Variants in RARRES1 observed in about 807,000 individuals in gnomAD.
RARRES1 encodes the protein retinoic acid receptor responder protein 1.
RARRES1 carries 34 observed loss-of-function variants against 30.6 expected under a neutral mutation model. The ratio of observed to expected loss-of-function variants is 1.11; its 90% CI spans 0.84 to 1.48. RARRES1 has a LOEUF of 1.48. Among genes scored for constraint, RARRES1 ranks in the 40% most tolerant of loss-of-function variants. The pLI is 0.00. For synonymous variants in RARRES1, 153 were observed against 155.5 expected, an observed-to-expected ratio of 0.98 and a Z score of 0.12; for missense variants, 373 against 386.5, an observed-to-expected ratio of 0.97 and a Z score of 0.29.
At chr3:158,721,363 T>C (rs1287205606) in intron 1 of RARRES1, among the ~76,000 whole-genome samples, 1 of 152,166 alleles carries the variant, frequency 6.6e-6, no homozygotes, top group Non-Finnish European at 1.5e-5. Flanking sequence ...GCATGCTGGA[T>C]CTACACCGAC....
At chr3:158,702,905 G>A (rs1726784540) in intron 4 of RARRES1, among the ~76,000 whole-genome samples, 1 of 152,188 alleles carries the variant, frequency 6.6e-6, no homozygotes, top group Admixed American at 6.5e-5. Context: ...TTTAGTTGAT[G>A]TGTGTTGTAC....
intron 4 of RARRES1, among the ~76,000 whole-genome samples, chr3:158,702,019 A>G (rs114190408): frequency 1.2e-3 from 184 of 151,904 alleles, no homozygotes; most frequent in Non-Finnish European, 2.0e-3. Context: ...CTCCCTCTGC[A>G]TTTGTTTTTG....
chr3:158,720,417 C>T (rs1559873818), intron 1 of RARRES1, among the ~76,000 whole-genome samples: 3 of 143,088 alleles, frequency 2.1e-5, no homozygotes, highest in African/African-American at 5.5e-5. Flanking sequence ...CTAGGGCTCC[C>T]GTAACAAAGT....
intron 5 of RARRES1, 27 bp from the exon 6 acceptor site, chr3:158,697,854 T>C: frequency 1.3e-6 from 2 of 1,596,126 alleles, no homozygotes; most frequent in Non-Finnish European, 1.7e-6. Flanking sequence ...TAAAATATTA[T>C]AATCTGCAAA....
intron 3 of RARRES1, among the ~76,000 whole-genome samples, chr3:158,709,575 C>G (rs75266602): frequency 6.6e-6 from 1 of 152,110 alleles, no homozygotes; most frequent in Non-Finnish European, 1.5e-5. Context: ...TATTCCACTT[C>G]GAGGTTTTTA....
chr3:158,729,863 T>C (rs1727815993), intron 1 of RARRES1, among the ~76,000 whole-genome samples: 1 of 152,202 alleles, frequency 6.6e-6, no homozygotes, highest in African/African-American at 2.4e-5. Context: ...ATCCTGCCCC[T>C]GGTAACCAGG....
chr3:158,704,653 G>T, intron 4 of RARRES1, 138 bp downstream of exon 4: 1 of 1,334,802 alleles, frequency 7.5e-7, no homozygotes, highest in Non-Finnish European at 9.9e-7. Context: ...TTGGCCCATT[G>T]CAGGAACTCA....
chr3:158,706,766 A>G lies in RARRES1; in HGVS notation c.536-1839T>C, dbSNP rs1401810659. 2.0e-5 allele frequency among the ~76,000 whole-genome samples: 3 copies of G among 152,242 alleles called. No homozygotes were observed. The East Asian group carries it at 5.8e-4, about 29-fold the overall frequency. On this transcript the variant is annotated intron_variant, in intron 3 of 5. Coordinates refer to ENST00000237696, the MANE Select transcript of RARRES1 (RefSeq NM_206963.2). Reference sequence around the variant, plus strand: ...CCAACTCTAGGAGAATAGTAATACCATTAAATGTAGGACAGAAAGTGGGAA... The same window carrying G: ...CCAACTCTAGGAGAATAGTAATACCGTTAAATGTAGGACAGAAAGTGGGAA...
At chr3:158,707,879 C>T (rs961950003) in intron 3 of RARRES1, among the ~76,000 whole-genome samples, 3 of 152,190 alleles carry the variant, frequency 2.0e-5, no homozygotes, top group East Asian at 1.9e-4. Flanking sequence ...CTGTTAATAT[C>T]GAAGTGCCTT....
intron 2 of RARRES1, among the ~76,000 whole-genome samples, chr3:158,712,392 A>G (rs1458473286): frequency 6.6e-6 from 1 of 152,194 alleles, no homozygotes; most frequent in African/African-American, 2.4e-5. Flanking sequence ...CCTCAAAAAG[A>G]ATAAATAAAT....
intron 1 of RARRES1, among the ~76,000 whole-genome samples, chr3:158,729,474 G>A (rs916493554): frequency 8.6e-5 from 13 of 151,822 alleles, no homozygotes; most frequent in Non-Finnish European, 1.2e-4. Flanking sequence ...TATTTGAGAC[G>A]GAGTCTCGCT....
chr3:158,698,783 A>G (rs73156491), intron 4 of RARRES1, among the ~76,000 whole-genome samples: 24,099 of 152,080 alleles, frequency 0.16, 1,987 homozygotes, highest in South Asian at 0.22. Flanking sequence ...TTTTCCTACT[A>G]TAACTGAGTA....
At chr3:158,707,995 T>C (rs1323958435) in intron 3 of RARRES1, among the ~76,000 whole-genome samples, 1 of 152,212 alleles carries the variant, frequency 6.6e-6, no homozygotes, top group Non-Finnish European at 1.5e-5. Context: ...AAGTAATCAA[T>C]AGGGAGCTGT....
chr3:158,708,594 A>T (rs1392119867), intron 3 of RARRES1, among the ~76,000 whole-genome samples: 3 of 152,174 alleles, frequency 2.0e-5, no homozygotes, highest in African/African-American at 7.2e-5. Context: ...AATGGATTAG[A>T]TCTTCTCACT....
intron 4 of RARRES1, among the ~76,000 whole-genome samples, chr3:158,698,495 C>T (rs1726623980): frequency 6.6e-6 from 1 of 152,224 alleles, no homozygotes; most frequent in Non-Finnish European, 1.5e-5. Flanking sequence ...CAACCCAGAT[C>T]TACTGACTCC....
Position 158,713,845 on chromosome 3 carries a change from C to G in RARRES1, c.291G>C (p.Glu97Asp), listed in dbSNP as rs931776303. The change falls in exon 2 of 6, where the codon GAG becomes GAC. Residue 97 changes from glutamate to aspartate, a missense_variant. Glu to Asp is a conservative substitution (Grantham distance 45). Coordinates refer to ENST00000237696, the MANE Select transcript of RARRES1 (RefSeq NM_206963.2). ...TGAAGACCACGTGAACTTTACATCC[C>G]TCTTTTGGATTAATCTGGAACACAG... Reference protein sequence around the residue: ...QEGRAWINPKEGCKVHVVFST... With the variant: ...QEGRAWINPKDGCKVHVVFST... The G allele has an allele frequency of 4.3e-6, 7 of 1,613,868 alleles. No homozygotes were observed. The highest frequency in any genetic ancestry group is 5.9e-6 in the Non-Finnish European group (7 of 1,179,878).
rs200110363 is a variant in RARRES1 at position 158,710,813 on chromosome 3, T to C, written c.460A>G (p.Arg154Gly). The C allele has an allele frequency of 2.5e-4, 403 of 1,613,748 alleles. No homozygotes were observed. Among genetic ancestry groups the C allele is most frequent in the Non-Finnish European group, 3.2e-4 (374 of 1,179,766 alleles). The part of the protein sequence containing the change: ...TCTRLIEKKK[R>G]QQEDYLLYKQ... ...TAAAGCAGGTAATCCTCTTGTTGTC[T>C]TTTCTTTTTCTCGATGAGCCGTGTA... Residue 154 changes from arginine (R) to glycine (G), a missense_variant, in exon 3 of 6, where the codon AGA becomes GGA. By Grantham distance (125) the Arg-to-Gly change is moderately radical (BLOSUM62 -2). Coordinates refer to ENST00000237696, the MANE Select transcript of RARRES1 (RefSeq NM_206963.2).
At chr3:158,727,146 A>T (rs552599028) in intron 1 of RARRES1, among the ~76,000 whole-genome samples, 1 of 152,336 alleles carries the variant, frequency 6.6e-6, no homozygotes, top group Non-Finnish European at 1.5e-5. Context: ...TCTTTTCTTT[A>T]TAAATTACCC....
At chr3:158,714,946 G>T (rs925931780) in intron 1 of RARRES1, among the ~76,000 whole-genome samples, 1 of 152,144 alleles carries the variant, frequency 6.6e-6, no homozygotes, top group Non-Finnish European at 1.5e-5. Context: ...CTTAAAAAAT[G>T]CTGGGAAACT....
Sources: gnomAD v4.1 joint callset for allele counts (sites outside exome capture counted in the v4.1 genomes callset) on GRCh38, gnomAD v4.1.1 for gene constraint, MANE v1.5 for transcripts, NCBI Gene and HGNC (gene_info 2026-07-23, HGNC 2026-07-21) for gene names.